Variants in SLC22A7 observed in about 807,000 individuals in gnomAD.
SLC22A7 encodes the protein hOAT2.
SLC22A7 carries 48 observed loss-of-function variants against 62.2 expected under a neutral mutation model. That is an observed-to-expected ratio of 0.77 (90% CI 0.61 to 0.98). The LOEUF is 0.98. SLC22A7 is among the 50% of genes least tolerant of loss of function. The pLI, the probability that SLC22A7 is intolerant of heterozygous loss-of-function variation, is 0.00. For missense variants in SLC22A7, 581 were observed against 703.8 expected (o/e 0.83, Z 1.97); for synonymous variants, 276 against 314.8 (o/e 0.88, Z 1.30).
chr6:43,297,447 A>G (rs1483246793), upstream of SLC22A7, among the ~76,000 whole-genome samples: 1 of 152,206 alleles, frequency 6.6e-6, no homozygotes, highest in Non-Finnish European at 1.5e-5. Flanking sequence ...TGCAGGGACC[A>G]TGATTGAGAA....
Position 43,302,811 on chromosome 6 carries a change from G to A in SLC22A7, c.1385+48G>A, listed in dbSNP as rs767632150. On this transcript the variant is annotated intron_variant, in intron 9 of 10. Coordinates refer to ENST00000372585, the MANE Select transcript of SLC22A7 (RefSeq NM_153320.2). This position sits in a 1 kb window ranked among gnomAD's most constrained non-coding sequence, Gnocchi z 5.0. ...TGGGGGTATGGGGCTTGTTAGTCAC[G>A]TGTCTTAACCAACACTTCTACATAC... The A allele has an allele frequency of 1.1e-5, 14 of 1,260,666 alleles. No homozygotes were observed. The highest frequency in any genetic ancestry group is 7.2e-5 in the East Asian group (3 of 41,782). 78.1% of individuals were successfully genotyped at this position (1,260,666 alleles called of 1,614,324 possible).
upstream of SLC22A7, among the ~76,000 whole-genome samples, chr6:43,297,333 T>C (rs1778584354): frequency 6.6e-6 from 1 of 152,198 alleles, no homozygotes; most frequent in Non-Finnish European, 1.5e-5. Context: ...TTTTCTGACC[T>C]GTTCAAAGTA....
chr6:43,305,276 G>A lies in SLC22A7; in HGVS notation c.*551G>A, dbSNP rs780718323. The A allele has an allele frequency of 3.3e-5, 6 of 180,460 alleles. No individual in the cohort carries two copies. In the Admixed American group the frequency reaches 3.5e-4, roughly 10 times the overall value. 11.2% of individuals were successfully genotyped at this position (180,460 alleles called of 1,614,324 possible). On this transcript the variant is annotated 3_prime_UTR_variant, in exon 11 of 11. Transcript: ENST00000372585. ...TGAGACTTCTGGTACCAATGGGGCT[G>A]GTGGGCATGCTGTCCACTGTGTGGT... is the stretch of plus-strand genomic sequence containing the variant.
In SLC22A7 at chr6:43,304,706, T is replaced by G. The variant is rs755499196; in HGVS notation, c.1628T>G (p.Met543Arg). The G allele has an allele frequency of 3.8e-6, 6 of 1,594,852 alleles. No individual in the cohort carries two copies. Among genetic ancestry groups the G allele is most frequent in the Non-Finnish European group, 5.1e-6 (6 of 1,167,668 alleles). Reference sequence around the variant, plus strand: ...AGTCTTCAGGAGGAAGAGATGCCCATGAAGCAGGTCCAGAACTAAGTGGGA... The same window carrying G: ...AGTCTTCAGGAGGAAGAGATGCCCAGGAAGCAGGTCCAGAACTAAGTGGGA... ...PTSLQEEEMP[M>R]KQVQN The change falls in exon 11 of 11, where the codon ATG becomes AGG. Residue 543 changes from methionine to arginine, a missense_variant. By Grantham distance (91) the Met-to-Arg change is moderately conservative (BLOSUM62 -1). Transcript: ENST00000372585.
chr6:43,298,259 C>A, upstream of SLC22A7: 1 of 1,067,114 alleles, frequency 9.4e-7, no homozygotes, highest in Non-Finnish European at 1.3e-6. Flanking sequence ...CCAGTCCATC[C>A]ACTCCCACCT....
At position 43,298,383 on chromosome 6, in the gene SLC22A7, C is replaced by A; in HGVS notation, c.25C>A (p.Gln9Lys). The A allele has an allele frequency of 1.9e-6, 3 of 1,612,800 alleles. No individual in the cohort carries two copies. Among genetic ancestry groups the A allele is most frequent in the Non-Finnish European group, 2.5e-6 (3 of 1,179,204 alleles). Residue 9 changes from glutamine to lysine, a missense_variant, in exon 1 of 11, where the codon CAG becomes AAG. Coordinates refer to ENST00000372585, the MANE Select transcript of SLC22A7 (RefSeq NM_153320.2). The part of the protein sequence containing the change: MGFEELLE[Q>K]VGGFGPFQLR... ...CATGGGCTTTGAGGAGCTGCTGGAGCAGGTGGGCGGCTTTGGGCCCTTCCA... is the reference window on the plus strand; with the variant it reads ...CATGGGCTTTGAGGAGCTGCTGGAGAAGGTGGGCGGCTTTGGGCCCTTCCA...
At chr6:43,298,880 G>C in intron 1 of SLC22A7, 129 bp downstream of exon 1, 2 of 1,368,924 alleles carry the variant, frequency 1.5e-6, no homozygotes, top group Non-Finnish European at 2.0e-6. Flanking sequence ...CTGTAGATGG[G>C]GGCTATGAAT....
intron 10 of SLC22A7, 24 bp from the exon 11 acceptor site, chr6:43,304,647 T>C: frequency 6.2e-7 from 1 of 1,601,984 alleles, no homozygotes; most frequent in Non-Finnish European, 8.5e-7. Context: ...ACCCCACCAT[T>C]GCTCACAACT....
Position 43,302,467 on chromosome 6 carries a change from T to G in SLC22A7, c.1276+53T>G. The G allele has an allele frequency of 2.8e-6, 4 of 1,445,088 alleles. No individual in the cohort carries two copies. The highest frequency in any genetic ancestry group is 3.7e-6 in the Non-Finnish European group (4 of 1,078,694). 89.5% of individuals were successfully genotyped at this position (1,445,088 alleles called of 1,614,324 possible). ...ACCCCAGAAGCCGGGCCAGGAACCCTGCCCACTCCCCGGAGACCCCACCTC... is the reference window on the plus strand; with the variant it reads ...ACCCCAGAAGCCGGGCCAGGAACCCGGCCCACTCCCCGGAGACCCCACCTC... On this transcript the variant is annotated intron_variant, in intron 8 of 10. Coordinates refer to ENST00000372585, the MANE Select transcript of SLC22A7 (RefSeq NM_153320.2). This position sits in a 1 kb window ranked among gnomAD's most constrained non-coding sequence, Gnocchi z 5.0.
At chr6:43,297,039 C>T (rs896075852), upstream of SLC22A7, among the ~76,000 whole-genome samples, 3 of 152,104 alleles carry the variant, frequency 2.0e-5, no homozygotes, top group African/African-American at 4.8e-5. Context: ...GAGACTCAAA[C>T]ATTTCTTCTC....
rs192371835 is a variant in SLC22A7 at position 43,302,212 on chromosome 6, C to T, written c.1074C>T (p.Asn358=). Residue 358 remains asparagine (N), a synonymous_variant, in exon 8 of 11, where the codon AAC becomes AAT. Coordinates refer to ENST00000372585, the MANE Select transcript of SLC22A7 (RefSeq NM_153320.2). This position sits in a 1 kb window ranked among gnomAD's most constrained non-coding sequence, Gnocchi z 5.0. ...LCCVVVWFGV[N]FSYYGLSLDV... is the part of the protein sequence containing the mutation. ...AGACTCCTTTCAGGTTCGGAGTGAACTTCTCCTATTACGGCCTGAGTCTGG... is the reference window on the plus strand; with the variant it reads ...AGACTCCTTTCAGGTTCGGAGTGAATTTCTCCTATTACGGCCTGAGTCTGG... 1.6e-5 allele frequency: 26 copies of T among 1,582,440 alleles called. No individual in the cohort carries two copies. The East Asian group carries it at 5.7e-4, about 34-fold the overall frequency.
intron 7 of SLC22A7, 137 bp downstream of exon 7, chr6:43,301,829 G>A: frequency 1.6e-6 from 1 of 643,856 alleles, no homozygotes. Flanking sequence ...ACCTCCATGG[G>A]CGATCTGCCT....
chr6:43,303,278 T>G, intron 9 of SLC22A7: 2 of 354,590 alleles, frequency 5.6e-6, no homozygotes, highest in Non-Finnish European at 7.9e-6. Context: ...CTGACCAACA[T>G]GGTGAAACCC....
At position 43,299,829 on chromosome 6, in the gene SLC22A7, A is replaced by G. The variant is rs766726824; in HGVS notation, c.658+48A>G. ...AGGACCTAGAGGGCTGGAAGAAGGC[A>G]GTTGTCAGAGTGAGGCTGAGCCCAT... On this transcript the variant is annotated intron_variant, in intron 4 of 10. Coordinates refer to ENST00000372585, the MANE Select transcript of SLC22A7 (RefSeq NM_153320.2). The surrounding 1 kb of genome is among the most constrained non-coding windows in gnomAD (Gnocchi z 4.4). The G allele has an allele frequency of 1.2e-6, 2 of 1,614,200 alleles. No individual in the cohort carries two copies. The highest frequency in any genetic ancestry group is 1.7e-6 in the Non-Finnish European group (2 of 1,180,024).
Position 43,298,706 on chromosome 6 carries a change from C to A in SLC22A7, c.348C>A (p.Gly116=), listed in dbSNP as rs770334093. The A allele has an allele frequency of 2.0e-6, 3 of 1,536,830 alleles. No homozygotes were observed. The highest frequency in any genetic ancestry group is 2.6e-6 in the Non-Finnish European group (3 of 1,141,756). Reference sequence around the variant, plus strand: ...CTGCCACAGTGCCCTGCTCTCAGGGCTGGGAGTACGACCACTCAGAATTCT... The same window carrying A: ...CTGCCACAGTGCCCTGCTCTCAGGGATGGGAGTACGACCACTCAGAATTCT... ...DEPATVPCSQ[G]WEYDHSEFSS... The change falls in exon 1 of 11, where the codon GGC becomes GGA. Residue 116 remains glycine (G), a synonymous_variant. Transcript: ENST00000372585.
rs549726189 is a variant in SLC22A7 at position 43,305,164 on chromosome 6, A to T, written c.*439A>T. ...ATGAAGCCTCTTGGGAGGCCCTACCATAGGATCTGTTGCCATGCTCAAATG... is the reference window on the plus strand; with the variant it reads ...ATGAAGCCTCTTGGGAGGCCCTACCTTAGGATCTGTTGCCATGCTCAAATG... On this transcript the variant is annotated 3_prime_UTR_variant, in exon 11 of 11. Transcript: ENST00000372585. The T allele has an allele frequency of 1.2e-5, 2 of 164,928 alleles. No homozygotes were observed. Among genetic ancestry groups the T allele is most frequent in the African/African-American group, 2.4e-5 (1 of 41,842 alleles). The allele number at this position is 164,928 out of a possible 1,614,324, so 10.2% of individuals were successfully genotyped here.
Position 43,301,610 on chromosome 6 carries a change from C to A in SLC22A7, c.979C>A (p.Arg327=). The part of the protein sequence containing the change: ...EAVSKVAAGE[R]VVRRPSYLDL... Reference sequence around the variant, plus strand: ...TGTGAGCAAAGTGGCCGCCGGGGAACGGGTGGTCCGAAGACCTTCATACCT... The same window carrying A: ...TGTGAGCAAAGTGGCCGCCGGGGAAAGGGTGGTCCGAAGACCTTCATACCT... The change falls in exon 7 of 11, where the codon CGG becomes AGG. Residue 327 remains arginine, a synonymous_variant. Transcript: ENST00000372585. The A allele has an allele frequency of 1.2e-6, 2 of 1,614,122 alleles. No homozygotes were observed. Among genetic ancestry groups the A allele is most frequent in the Non-Finnish European group, 1.7e-6 (2 of 1,179,984 alleles).
chr6:43,303,509 A>AAG (rs1778831400), intron 9 of SLC22A7, among the ~76,000 whole-genome samples: 1 of 151,856 alleles, frequency 6.6e-6, no homozygotes. Context: ...TAAGAAGAAG[A>AAG]AAACAGCCCC....
chr6:43,301,400 G>A (rs1778741933), intron 6 of SLC22A7, 142 bp downstream of exon 6: 7 of 1,281,300 alleles, frequency 5.5e-6, no homozygotes, highest in Admixed American at 2.1e-5. Context: ...TCTTTAGGAT[G>A]TCCTACCTGG....
Sources: gnomAD v4.1 joint callset for allele counts (sites outside exome capture counted in the v4.1 genomes callset) on GRCh38, gnomAD v4.1.1 for gene constraint, Gnocchi (gnomAD v3.1) non-coding constraint, MANE v1.5 for transcripts, NCBI Gene and HGNC (gene_info 2026-07-23, HGNC 2026-07-21) for gene names.